Variants in RASGEF1A observed in about 807,000 individuals in gnomAD.
The protein encoded by RASGEF1A is ras-GEF domain-containing family member 1A.
Under a neutral mutation model 56.4 loss-of-function variants are expected in RASGEF1A, and 18 were observed. That is an observed-to-expected ratio of 0.32 (90% CI 0.22 to 0.47). The LOEUF (loss-of-function observed/expected upper bound fraction) is 0.47, where lower values mean the gene tolerates loss of function less well. Ranked by LOEUF, RASGEF1A falls within the 20% of genes least tolerant of loss-of-function variation. The pLI, the probability that RASGEF1A is intolerant of heterozygous loss-of-function variation, is 1.00. For synonymous variants in RASGEF1A, 245 were observed against 242.6 expected, an observed-to-expected ratio of 1.01 and a Z score of -0.09; for missense variants, 422 against 627.1, an observed-to-expected ratio of 0.67 and a Z score of 3.49.
chr10:43,249,863 C>T (rs1364590164), intron 1 of RASGEF1A, among the ~76,000 whole-genome samples: 1 of 152,254 alleles, frequency 6.6e-6, no homozygotes, highest in Non-Finnish European at 1.5e-5. Context: ...CTGCAGCCAC[C>T]AGGGTCTGAT....
At chr10:43,239,658 G>A (rs1476636560) in intron 1 of RASGEF1A, among the ~76,000 whole-genome samples, 3 of 152,154 alleles carry the variant, frequency 2.0e-5, no homozygotes, top group African/African-American at 7.2e-5. Context: ...GAAAACCACT[G>A]GCGTAGCAGC....
intron 1 of RASGEF1A, among the ~76,000 whole-genome samples, chr10:43,228,631 C>T (rs536246490): frequency 2.0e-5 from 3 of 152,214 alleles, no homozygotes; most frequent in Admixed American, 6.5e-5. Context: ...GCTGCTCTAT[C>T]GCTGCAGAAT....
At chr10:43,203,707 C>A in intron 2 of RASGEF1A, 1 of 1,166,020 alleles carries the variant, frequency 8.6e-7, no homozygotes, top group Non-Finnish European at 1.1e-6. Context: ...TGCCCCACGC[C>A]ACCATAGGGC....
At chr10:43,239,247 A>C (rs949107768) in intron 1 of RASGEF1A, among the ~76,000 whole-genome samples, 4 of 152,248 alleles carry the variant, frequency 2.6e-5, no homozygotes, top group African/African-American at 9.6e-5. Flanking sequence ...TTATTGATGA[A>C]AAGTTTTTAT....
At chr10:43,237,728 GCT>G (rs202196977) in intron 1 of RASGEF1A, among the ~76,000 whole-genome samples, 25,139 of 151,874 alleles carry the variant, frequency 0.17, 2,642 homozygotes, top group East Asian at 0.51. Flanking sequence ...AGCTGGCTCC[GCT>G]CTCCCCAAAC....
At chr10:43,239,284 T>C (rs567205548) in intron 1 of RASGEF1A, among the ~76,000 whole-genome samples, 1 of 152,378 alleles carries the variant, frequency 6.6e-6, no homozygotes, top group South Asian at 2.1e-4. Flanking sequence ...ATATAAAAGA[T>C]GAACTCCTAA....
At chr10:43,197,861 A>C (rs897870244) in intron 10 of RASGEF1A, 143 bp downstream of exon 10, 2 of 665,692 alleles carry the variant, frequency 3.0e-6, no homozygotes, top group African/African-American at 3.6e-5. Context: ...GTGACCCACT[A>C]TGAGGCTTTC....
At chr10:43,234,003 T>C (rs1172393587) in intron 1 of RASGEF1A, among the ~76,000 whole-genome samples, 1 of 151,948 alleles carries the variant, frequency 6.6e-6, no homozygotes, top group Non-Finnish European at 1.5e-5. Context: ...GCATCTAAGG[T>C]TGGCCCCACG....
At chr10:43,229,694 C>A in intron 1 of RASGEF1A, 2 of 1,442,244 alleles carry the variant, frequency 1.4e-6, no homozygotes, top group East Asian at 3.0e-5. Context: ...CCCGGTCCGG[C>A]GTCCAGCGAG....
Position 43,203,325 on chromosome 10 carries a change from CTT to C in RASGEF1A, c.292_293del (p.Lys98AlafsTer8). 1 of 1,570,876 alleles carries C rather than the reference CTT, an allele frequency of 6.4e-7. No individual in the cohort carries two copies. The highest frequency in any genetic ancestry group is 1.3e-5 in the African/African-American group (1 of 74,194). On this transcript the variant is annotated frameshift_variant, in exon 3 of 13. Transcript: ENST00000395810. LOFTEE classifies it high-confidence loss of function. ...ARVGQICVEQ[K>X]QQLEAGPEKA... Reference sequence around the variant, plus strand: ...TTTCAGGCCCGGCTTCCAGCTGCTGCTTCTGCTCCACGCAGATCTGCCCCACG... The same window carrying C: ...TTTCAGGCCCGGCTTCCAGCTGCTGCCTGCTCCACGCAGATCTGCCCCACG...
intron 4 of RASGEF1A, 114 bp from the exon 5 acceptor site, chr10:43,201,002 G>T (rs1258441988): frequency 3.2e-6 from 3 of 936,756 alleles, no homozygotes; most frequent in South Asian, 1.5e-5. Context: ...TGAGCCCACA[G>T]CCCCTATCTA....
intron 1 of RASGEF1A, among the ~76,000 whole-genome samples, chr10:43,233,745 A>G (rs1167671270): frequency 6.6e-6 from 1 of 152,222 alleles, no homozygotes; most frequent in Admixed American, 6.5e-5. Flanking sequence ...CCAGGCCCAG[A>G]AATTCCATCC....
At chr10:43,197,128 A>G (rs772161031) in intron 10 of RASGEF1A, 29 bp from the exon 11 acceptor site, 6 of 1,610,866 alleles carry the variant, frequency 3.7e-6, no homozygotes, top group Admixed American at 3.3e-5. Context: ...ACTGATGTTC[A>G]TCTGTCACCT....
At chr10:43,219,733 G>A (rs760458274) in intron 1 of RASGEF1A, among the ~76,000 whole-genome samples, 7 of 152,234 alleles carry the variant, frequency 4.6e-5, no homozygotes, top group Non-Finnish European at 1.0e-4. Flanking sequence ...GACCTGTCCC[G>A]GGTGAGCTGC....
intron 1 of RASGEF1A, among the ~76,000 whole-genome samples, chr10:43,253,265 G>T (rs1840647629): frequency 6.6e-6 from 1 of 152,224 alleles, no homozygotes; most frequent in Non-Finnish European, 1.5e-5. Context: ...TGGATTTGAG[G>T]TCCTTGTAGC....
At chr10:43,215,493 A>C (rs1485802762) in intron 1 of RASGEF1A, among the ~76,000 whole-genome samples, 1 of 152,180 alleles carries the variant, frequency 6.6e-6, no homozygotes, top group African/African-American at 2.4e-5. Context: ...GGTGGGCCTC[A>C]GGAGGGGAGA....
At chr10:43,219,269 C>T (rs1361845552) in intron 1 of RASGEF1A, among the ~76,000 whole-genome samples, 1 of 152,230 alleles carries the variant, frequency 6.6e-6, no homozygotes, top group Non-Finnish European at 1.5e-5. Context: ...CAGCCCTGTG[C>T]CTCCCAGGGA....
At chr10:43,261,740 C>T (rs994414650) in intron 1 of RASGEF1A, among the ~76,000 whole-genome samples, 3 of 152,126 alleles carry the variant, frequency 2.0e-5, no homozygotes, top group African/African-American at 7.2e-5. Flanking sequence ...CCAGCAAAGC[C>T]GGGGCTGCCC....
rs145078295 is a variant in RASGEF1A at position 43,207,764 on chromosome 10, C to A, written c.-6-1642G>T. ...GCCCCAGACCTGCTGGTCAGAAACT[C>A]TGGGGTGGACTGCTTCTGTACCCCA... On this transcript the variant is annotated intron_variant, in intron 1 of 12. Coordinates refer to ENST00000395810, the MANE Select transcript of RASGEF1A (RefSeq NM_145313.4). 145 of 937,214 alleles carry A rather than the reference C, an allele frequency of 1.5e-4. 1 individual carries two copies. The African/African-American group carries it at 2.4e-3, about 16-fold the overall frequency. The allele number at this position is 937,214 out of a possible 1,614,324, so 58.1% of individuals were successfully genotyped here.
Sources: allele counts gnomAD v4.1 joint callset (sites outside exome capture counted in the v4.1 genomes callset), GRCh38; gene constraint gnomAD v4.1.1; transcripts MANE v1.5; gene names NCBI Gene and HGNC (gene_info 2026-07-23, HGNC 2026-07-21).